The following PRIMPOL variants were observed in gnomAD, a reference collection of about 807,000 sequenced individuals.
PRIMPOL encodes the protein DNA-directed primase/polymerase protein.
A neutral mutation model predicts 63.6 loss-of-function variants in PRIMPOL; 54 were observed. The ratio of observed to expected loss-of-function variants is 0.85; its 90% CI spans 0.68 to 1.07. The LOEUF (loss-of-function observed/expected upper bound fraction) is 1.07, where lower values mean the gene tolerates loss of function less well. Ranked by LOEUF, PRIMPOL falls within the 50% of genes least tolerant of loss-of-function variation. The pLI, the probability that PRIMPOL is intolerant of heterozygous loss-of-function variation, is 0.00. For synonymous variants in PRIMPOL, 197 were observed against 220.2 expected (o/e 0.89, Z 0.93); for missense variants, 610 against 648.3 (o/e 0.94, Z 0.64).
rs371857993 is a variant in PRIMPOL, at chr4:184,679,421, A to T, written c.1007+1027A>T. On this transcript the variant is annotated intron_variant, in intron 8 of 13. Transcript: ENST00000314970. ...CAGTGAGCTATGAATGCACCACTGC[A>T]CTCCAGCCTGGGTGACAGGGTGAGA... Among the ~76,000 whole-genome samples the T allele has an allele frequency of 2.3e-4, 35 of 152,288 alleles. 1 individual carries two copies. In the South Asian group the frequency reaches 5.6e-3, roughly 24 times the overall value.
chr4:184,653,420 G>A (rs1745297147), intron 2 of PRIMPOL, among the ~76,000 whole-genome samples: 1 of 152,202 alleles, frequency 6.6e-6, no homozygotes, highest in African/African-American at 2.4e-5. Context: ...TTGGTTGAAA[G>A]ATCAGTATCA....
intron 1 of PRIMPOL, among the ~76,000 whole-genome samples, chr4:184,651,536 C>T (rs1227150114): frequency 1.3e-5 from 2 of 152,146 alleles, no homozygotes; most frequent in Non-Finnish European, 1.5e-5. Flanking sequence ...TTGAACTAGT[C>T]CTTATCCTAT....
rs1050915128 is a variant in PRIMPOL, at chr4:184,672,282, A to G, written c.666A>G (p.Ala222=). 1.9e-6 allele frequency: 3 copies of G among 1,613,988 alleles called. No homozygotes were observed. Among genetic ancestry groups the G allele is most frequent in the Middle Eastern group, 1.6e-4 (1 of 6,084 alleles). Residue 222 remains alanine (A), a synonymous_variant, in exon 7 of 14, where the codon GCA becomes GCG. Transcript: ENST00000314970. Reference sequence around the variant, plus strand: ...ATGGATTTCCCCATTTTTCAGAAGCACCTGCAAGACAAGGATTTTCTTTCA... The same window carrying G: ...ATGGATTTCCCCATTTTTCAGAAGCGCCTGCAAGACAAGGATTTTCTTTCA... ...TGHGFPHFSE[A]PARQGFSFNK...
At chr4:184,671,324 T>C (rs199955770) in intron 6 of PRIMPOL, among the ~76,000 whole-genome samples, 1 of 151,860 alleles carries the variant, frequency 6.6e-6, no homozygotes, top group Non-Finnish European at 1.5e-5. Flanking sequence ...TCGTGGCAGG[T>C]AAAGGAGAGC....
At chr4:184,681,793 CAA>C (rs1755699611) in intron 8 of PRIMPOL, among the ~76,000 whole-genome samples, 1 of 152,144 alleles carries the variant, frequency 6.6e-6, no homozygotes, top group Non-Finnish European at 1.5e-5. Flanking sequence ...AGGCTGGTCT[CAA>C]ACTCCTGACC....
At chr4:184,654,950 A>G (rs1190127493) in intron 2 of PRIMPOL, among the ~76,000 whole-genome samples, 1 of 152,012 alleles carries the variant, frequency 6.6e-6, no homozygotes, top group East Asian at 1.9e-4. Context: ...CAAATTTGAA[A>G]TCTGCGGATA....
intron 2 of PRIMPOL, among the ~76,000 whole-genome samples, chr4:184,656,044 C>T (rs76774884): frequency 0.026 from 3,925 of 152,190 alleles, 177 homozygotes; most frequent in African/African-American, 0.09. Context: ...ATTCAGATGA[C>T]GGCTGGATGT....
chr4:184,682,240 T>G lies in PRIMPOL; in HGVS notation c.1008-8T>G. 6.6e-7 allele frequency: 1 copy of G among 1,513,498 alleles called. No individual in the cohort carries two copies. The highest frequency in any genetic ancestry group is 1.1e-5 in the South Asian group (1 of 87,202). 93.8% of individuals were successfully genotyped at this position (1,513,498 alleles called of 1,614,324 possible). A position where few individuals can be genotyped will look rare whatever the true frequency, so the allele number is the denominator to read the frequency against. On this transcript the variant is annotated splice_polypyrimidine_tract_variant and splice_region_variant and intron_variant, in intron 8 of 13. Coordinates refer to ENST00000314970, the MANE Select transcript of PRIMPOL (RefSeq NM_152683.4). ...GTGCTTTGTTTCTTTTACCTATTTC[T>G]TCTTCAGGTTCTCAGATACTTTACG...
chr4:184,659,465 T>G (rs1747643831), intron 4 of PRIMPOL, 28 bp downstream of exon 4: 1 of 1,472,902 alleles, frequency 6.8e-7, no homozygotes, highest in Non-Finnish European at 9.5e-7. Flanking sequence ...GAACCACACA[T>G]TAAGCTAGAG....
chr4:184,663,867 A>T (rs1749075371), intron 5 of PRIMPOL, among the ~76,000 whole-genome samples: 1 of 152,332 alleles, frequency 6.6e-6, no homozygotes, highest in Middle Eastern at 3.4e-3. Context: ...TCCAGTAAGT[A>T]CTTTTTCCTT....
At position 184,672,374 on chromosome 4, in the gene PRIMPOL, T is replaced by C; in HGVS notation, c.758T>C (p.Leu253Pro). The C allele has an allele frequency of 6.2e-7, 1 of 1,614,144 alleles. No homozygotes were observed. Among genetic ancestry groups the C allele is most frequent in the Non-Finnish European group, 8.5e-7 (1 of 1,179,998 alleles). ...TCGAATTCAAAGAAACTGGAGAGGC[T>C]GGGGTCAGCTGAGCAAAGCAGTCCT... The part of the protein sequence containing the change: ...WTSNSKKLER[L>P]GSAEQSSPDL... Residue 253 changes from leucine (L) to proline (P), a missense_variant, in exon 7 of 14, where the codon CTG becomes CCG. Leu to Pro is a moderately conservative substitution (Grantham distance 98). Around this residue, in one of 3 missense-constraint regions of PRIMPOL, gnomAD observed 444 missense variants for 456.4 expected, o/e 0.97. Transcript: ENST00000314970.
chr4:184,658,717 C>G (rs10027213), intron 3 of PRIMPOL, among the ~76,000 whole-genome samples: 25,895 of 151,898 alleles, frequency 0.17, 2,712 homozygotes, highest in African/African-American at 0.29. Flanking sequence ...GACCAGCCTG[C>G]CCAGCATGGT....
At chr4:184,692,750 T>C (rs1759150441) in intron 13 of PRIMPOL, among the ~76,000 whole-genome samples, 1 of 152,108 alleles carries the variant, frequency 6.6e-6, no homozygotes, top group African/African-American at 2.4e-5. Flanking sequence ...CCACAGATAA[T>C]TTATGAGAGC....
At chr4:184,671,539 T>G (rs1433192933) in intron 6 of PRIMPOL, among the ~76,000 whole-genome samples, 1 of 152,116 alleles carries the variant, frequency 6.6e-6, no homozygotes, top group African/African-American at 2.4e-5. Flanking sequence ...TATGTATTAA[T>G]AAGTAGTGTT....
At chr4:184,679,240 T>A (rs1251893471) in intron 8 of PRIMPOL, among the ~76,000 whole-genome samples, 7 of 152,176 alleles carry the variant, frequency 4.6e-5, no homozygotes, top group Non-Finnish European at 1.0e-4. Flanking sequence ...ACACTGGAAT[T>A]TATTGTGAGT....
At chr4:184,687,361 G>A (rs577739915) in intron 11 of PRIMPOL, among the ~76,000 whole-genome samples, 41 of 151,992 alleles carry the variant, frequency 2.7e-4, no homozygotes, top group East Asian at 7.8e-4. Context: ...GTGAGCCACC[G>A]CACCCAGCCG....
intron 13 of PRIMPOL, among the ~76,000 whole-genome samples, chr4:184,692,838 T>C (rs1318462387): frequency 6.6e-6 from 1 of 152,190 alleles, no homozygotes; most frequent in Non-Finnish European, 1.5e-5. Context: ...ATGCAGTACC[T>C]CAGTTGTTTT....
intron 11 of PRIMPOL, among the ~76,000 whole-genome samples, chr4:184,686,731 T>C (rs1332840822): frequency 6.6e-6 from 1 of 152,140 alleles, no homozygotes; most frequent in Non-Finnish European, 1.5e-5. Flanking sequence ...ACATGGGGAA[T>C]GATCGGGAAG....
chr4:184,687,706 C>G (rs149461036), intron 11 of PRIMPOL, among the ~76,000 whole-genome samples: 1 of 152,304 alleles, frequency 6.6e-6, no homozygotes, highest in African/African-American at 2.4e-5. Flanking sequence ...CCTCTGTCTC[C>G]CGGGTTCAAG....
Sources: gnomAD v4.1 joint callset for allele counts (sites outside exome capture counted in the v4.1 genomes callset) on GRCh38, gnomAD v4.1.1 for gene constraint, gnomAD v4.1.1 regional missense constraint, MANE v1.5 for transcripts, NCBI Gene and HGNC (gene_info 2026-07-23, HGNC 2026-07-21) for gene names.